Variants in DOCK11 observed in about 807,000 individuals in gnomAD.
The protein encoded by DOCK11 is dedicator of cytokinesis protein 11.
A neutral mutation model predicts 169.1 loss-of-function variants in DOCK11; 70 were observed. That is an observed-to-expected ratio of 0.41 (90% CI 0.34 to 0.51). The LOEUF (loss-of-function observed/expected upper bound fraction) is 0.51. DOCK11 is among the 20% of genes least tolerant of loss of function. The probability of loss-of-function intolerance (pLI) is 0.10; values close to 1 mark genes in which losing one functional copy is unlikely to be tolerated. For synonymous variants in DOCK11, 529 were observed against 541.3 expected (o/e 0.98, Z 0.32); for missense variants, 1,166 against 1,538.8 (o/e 0.76, Z 4.05).
At position 118,602,556 on chromosome X, in the gene DOCK11, T is replaced by C. The variant is rs182206104; in HGVS notation, c.2563-2682T>C. On this transcript the variant is annotated intron_variant, in intron 23 of 52. Transcript: ENST00000276202. ...CTAGAGGGCTCCTGTCTTTTTTTTTTTGGAGACAGAGTCTCACTCTGTTGC... is the reference window on the plus strand; with the variant it reads ...CTAGAGGGCTCCTGTCTTTTTTTTTCTGGAGACAGAGTCTCACTCTGTTGC... 2.7e-3 allele frequency among the ~76,000 whole-genome samples: 297 copies of C among 110,791 alleles called. 1 individual carries two copies. The highest frequency in any genetic ancestry group is 4.1e-3 in the Non-Finnish European group (218 of 52,790).
chrX:118,647,702 TATA>T (rs1422033429), intron 40 of DOCK11, among the ~76,000 whole-genome samples: 9 of 54,919 alleles, frequency 1.6e-4, no homozygotes, highest in African/African-American at 5.1e-4. Context: ...TAATATAATA[TATA>T]ATAATATAAT....
At chrX:118,581,139 C>T (rs779195225) in intron 14 of DOCK11, among the ~76,000 whole-genome samples, 2 of 112,073 alleles carry the variant, frequency 1.8e-5, no homozygotes, top group South Asian at 3.7e-4. Context: ...CTCACTGGGG[C>T]TTCTGTGGAA....
At chrX:118,576,425 G>A (rs1226826248) in intron 12 of DOCK11, among the ~76,000 whole-genome samples, 4 of 112,116 alleles carry the variant, frequency 3.6e-5, no homozygotes, top group Non-Finnish European at 7.5e-5. Context: ...GACAGGGAGA[G>A]GACCAGAAGC....
At chrX:118,634,873 C>T (rs749956277) in intron 35 of DOCK11, among the ~76,000 whole-genome samples, 12 of 110,840 alleles carry the variant, frequency 1.1e-4, no homozygotes, top group South Asian at 3.8e-4. Flanking sequence ...GGATTACAGG[C>T]GCGCCACCAC....
rs1357902495 is a variant in DOCK11, at chrX:118,648,626, TATATA to T, written c.4399-313_4399-309del. Among the ~76,000 whole-genome samples, 5 of 100,857 alleles carry T rather than the reference TATATA, an allele frequency of 5.0e-5. No individual in the cohort carries two copies. The East Asian group carries it at 1.2e-3, about 23-fold the overall frequency. 87.6% of individuals were successfully genotyped at this position (100,857 alleles called of 115,157 possible). ...ATATTAATATATAATATATAATACATATATAATATATAATAGATATAATATAATAC... is the reference window on the plus strand; with the variant it reads ...ATATTAATATATAATATATAATACATATATATAATAGATATAATATAATAC... On this transcript the variant is annotated intron_variant, in intron 40 of 52. Coordinates refer to ENST00000276202, the MANE Select transcript of DOCK11 (RefSeq NM_144658.4).
chrX:118,586,636 C>A (rs1325361110), intron 16 of DOCK11, among the ~76,000 whole-genome samples: 1 of 111,737 alleles, frequency 8.9e-6, no homozygotes, highest in Non-Finnish European at 1.9e-5. Flanking sequence ...GAACACCTGT[C>A]TTAAGCTCAG....
intron 31 of DOCK11, among the ~76,000 whole-genome samples, chrX:118,621,633 A>C (rs2014974939): frequency 9.0e-6 from 1 of 110,500 alleles, no homozygotes. Flanking sequence ...ATTTAGCAAT[A>C]TCTCTCTCTT....
chrX:118,647,139 A>ATGTGTGTG (rs200211345), intron 40 of DOCK11, among the ~76,000 whole-genome samples: 4 of 85,505 alleles, frequency 4.7e-5, no homozygotes, highest in Admixed American at 1.4e-4. Flanking sequence ...TGAAGAGGAT[A>ATGTGTGTG]TGTGTGTGTG....
At chrX:118,591,879 G>A (rs1251182332) in intron 19 of DOCK11, among the ~76,000 whole-genome samples, 3 of 82,985 alleles carry the variant, frequency 3.6e-5, no homozygotes, top group East Asian at 5.0e-4. Flanking sequence ...GAGAACATGC[G>A]GTGTTTGGTT....
At chrX:118,497,657 A>C (rs2057546418) in intron 1 of DOCK11, among the ~76,000 whole-genome samples, 1 of 111,961 alleles carries the variant, frequency 8.9e-6, no homozygotes, top group Admixed American at 9.5e-5. Flanking sequence ...CAGAGCATTT[A>C]TACCAGGGCT....
At chrX:118,616,606 G>C (rs1353442839) in intron 30 of DOCK11, among the ~76,000 whole-genome samples, 1 of 108,850 alleles carries the variant, frequency 9.2e-6, no homozygotes, top group East Asian at 2.9e-4. Flanking sequence ...ATGCTGTTTA[G>C]TGACACCTTG....
chrX:118,641,070 T>G, intron 38 of DOCK11, 120 bp from the exon 39 acceptor site: 1 of 524,291 alleles, frequency 1.9e-6, no homozygotes, highest in Non-Finnish European at 3.4e-6. Flanking sequence ...ATTACAGGCA[T>G]GAGCCACCGC....
At chrX:118,590,088 G>T in intron 18 of DOCK11, 122 bp from the exon 19 acceptor site, 1 of 527,570 alleles carries the variant, frequency 1.9e-6, no homozygotes, top group South Asian at 3.1e-5. Context: ...GGCTCACGGT[G>T]ACTGCCAGGT....
chrX:118,521,216 A>G (rs2011260633), intron 1 of DOCK11, among the ~76,000 whole-genome samples: 1 of 112,155 alleles, frequency 8.9e-6, no homozygotes, highest in African/African-American at 3.2e-5. Context: ...TTGAAATGCC[A>G]CTTTCTGGCT....
At chrX:118,641,849 A>G (rs1415103170) in intron 39 of DOCK11, among the ~76,000 whole-genome samples, 1 of 111,727 alleles carries the variant, frequency 9.0e-6, no homozygotes, top group Admixed American at 9.6e-5. Flanking sequence ...TTTGAAAAGT[A>G]AAAACGGTGT....
At chrX:118,513,894 TA>T (rs1422740943) in intron 1 of DOCK11, among the ~76,000 whole-genome samples, 2 of 111,363 alleles carry the variant, frequency 1.8e-5, no homozygotes, top group African/African-American at 3.3e-5. Context: ...TTCCAGTTGT[TA>T]CCAGGTGCAG....
At chrX:118,565,549 C>T (rs1279917440) in intron 7 of DOCK11, among the ~76,000 whole-genome samples, 1 of 111,768 alleles carries the variant, frequency 8.9e-6, no homozygotes, top group Admixed American at 9.5e-5. Flanking sequence ...TCTATAGTGC[C>T]TTTTATGGTG....
At chrX:118,555,539 AGAGT>A (rs2012653739) in intron 6 of DOCK11, among the ~76,000 whole-genome samples, 1 of 106,447 alleles carries the variant, frequency 9.4e-6, no homozygotes, top group Non-Finnish European at 1.9e-5. Flanking sequence ...CCTGGGCGAC[AGAGT>A]GAGACTTCAT....
intron 18 of DOCK11, among the ~76,000 whole-genome samples, chrX:118,589,708 A>C (rs911050533): frequency 8.9e-6 from 1 of 112,461 alleles, no homozygotes; most frequent in African/African-American, 3.2e-5. Context: ...GAGAACAGCA[A>C]GCTTGTCTGT....
Sources: allele counts gnomAD v4.1 joint callset (sites outside exome capture counted in the v4.1 genomes callset), GRCh38; gene constraint gnomAD v4.1.1; transcripts MANE v1.5; gene names NCBI Gene and HGNC (gene_info 2026-07-23, HGNC 2026-07-21).